NCAM2: variants seen among roughly 807,000 people sequenced by gnomAD.
The protein encoded by NCAM2 is N-CAM-2.
In NCAM2, 30 loss-of-function variants were observed where a neutral mutation model predicts 98.1. The observed-to-expected ratio is 0.31, with a 90% confidence interval of 0.23 to 0.41. The LOEUF is 0.41. NCAM2 is among the 10% of genes least tolerant of loss of function. The pLI, the probability that NCAM2 is intolerant of heterozygous loss-of-function variation, is 1.00. For missense variants in NCAM2, 867 were observed against 1,005.8 expected, an observed-to-expected ratio of 0.86 and a Z score of 1.87; for synonymous variants, 368 against 342.4, an observed-to-expected ratio of 1.07 and a Z score of -0.83.
intron 1 of NCAM2, among the ~76,000 whole-genome samples, chr21:21,110,149 A>C (rs1196126090): frequency 1.3e-5 from 2 of 152,196 alleles, no homozygotes; most frequent in African/African-American, 2.4e-5. Context: ...TTACATACAG[A>C]GGGCTTCAGC....
chr21:21,012,923 C>T (rs1372730927), intron 1 of NCAM2, among the ~76,000 whole-genome samples: 1 of 152,130 alleles, frequency 6.6e-6, no homozygotes, highest in East Asian at 1.9e-4. Flanking sequence ...TCAAAGCATA[C>T]CCACATAATG....
intron 1 of NCAM2, among the ~76,000 whole-genome samples, chr21:21,065,573 G>A (rs534764677): frequency 1.3e-5 from 2 of 152,208 alleles, no homozygotes; most frequent in East Asian, 3.9e-4. Context: ...AATCATGTAA[G>A]TATCTCGTCA....
intron 12 of NCAM2, among the ~76,000 whole-genome samples, chr21:21,461,324 A>T (rs1025682862): frequency 6.6e-6 from 1 of 151,982 alleles, no homozygotes; most frequent in Non-Finnish European, 1.5e-5. Context: ...TTCTATTTAA[A>T]TAGGAAGCCA....
intron 1 of NCAM2, among the ~76,000 whole-genome samples, chr21:21,082,290 A>AT (rs1555882253): frequency 1.3e-5 from 2 of 149,310 alleles, no homozygotes; most frequent in African/African-American, 5.0e-5. Context: ...ACAAAAAAAA[A>AT]AAAACAAAAC....
At chr21:21,144,282 G>C (rs1273596979) in intron 1 of NCAM2, among the ~76,000 whole-genome samples, 1 of 151,680 alleles carries the variant, frequency 6.6e-6, no homozygotes, top group East Asian at 1.9e-4. Flanking sequence ...CCAGGAGGTG[G>C]AGATTGCAGT....
intron 2 of NCAM2, 27 bp downstream of exon 2, chr21:21,280,679 A>T: frequency 7.1e-7 from 1 of 1,400,438 alleles, no homozygotes; most frequent in Non-Finnish European, 9.7e-7. Context: ...ATACCTTCAG[A>T]TAACGTGGTT....
intron 16 of NCAM2, among the ~76,000 whole-genome samples, chr21:21,528,791 A>G (rs188313793): frequency 5.3e-5 from 8 of 152,294 alleles, no homozygotes; most frequent in Admixed American, 3.9e-4. Context: ...AAGACTGGCT[A>G]TTATACTGAA....
chr21:21,511,121 ACATTC>A, intron 16 of NCAM2, among the ~76,000 whole-genome samples: 1 of 152,190 alleles, frequency 6.6e-6, no homozygotes, highest in South Asian at 2.1e-4. Context: ...TGCTAGGAAC[ACATTC>A]CAATTCTCCT....
At chr21:21,280,493 G>T in intron 1 of NCAM2, 85 bp from the exon 2 acceptor site, 1 of 892,278 alleles carries the variant, frequency 1.1e-6, no homozygotes, top group Non-Finnish European at 1.7e-6. Flanking sequence ...TCAGCGTTTG[G>T]ACCATGTGGT....
Position 21,273,283 on chromosome 21 carries a change from TATC to T in NCAM2, c.56-7292_56-7290del, listed in dbSNP as rs534223952. Among the ~76,000 whole-genome samples, 572 of 152,234 alleles carry T rather than the reference TATC, an allele frequency of 3.8e-3. 2 individuals are homozygous for T. Among genetic ancestry groups the T allele is most frequent in the African/African-American group, 0.013 (547 of 41,552 alleles). ...AGTTATTGTGGGTATGCATAGTAAA[TATC>T]ATATATGTTTGTAGTACAGGAAGAT... On this transcript the variant is annotated intron_variant, in intron 1 of 17. Coordinates refer to ENST00000400546, the MANE Select transcript of NCAM2 (RefSeq NM_004540.5).
chr21:21,239,008 A>C (rs961251749), intron 1 of NCAM2, among the ~76,000 whole-genome samples: 1 of 152,170 alleles, frequency 6.6e-6, no homozygotes, highest in Non-Finnish European at 1.5e-5. Context: ...TTTCCTTCAG[A>C]TAAGAATATT....
At position 21,284,384 on chromosome 21, in the gene NCAM2, A is replaced by C. The variant is rs1405083899; in HGVS notation, c.321A>C (p.Val107=). ...DAKGQTQEAT[V]VLEIYQKLTF... ...AAGGACAAACACAAGAAGCTACAGT[A>C]GTTTTGGAAATTTACCGTAAGTAAT... The change falls in exon 3 of 18, where the codon GTA becomes GTC. Residue 107 remains valine, a synonymous_variant. Transcript: ENST00000400546. The C allele has an allele frequency of 6.8e-6, 11 of 1,611,174 alleles. No individual in the cohort carries two copies. The highest frequency in any genetic ancestry group is 8.5e-6 in the Non-Finnish European group (10 of 1,177,824).
chr21:21,099,731 A>G (rs1343888565), intron 1 of NCAM2, among the ~76,000 whole-genome samples: 1 of 151,854 alleles, frequency 6.6e-6, no homozygotes, highest in Non-Finnish European at 1.5e-5. Context: ...AGCTTTAGCT[A>G]GTTTCCAAGT....
intron 1 of NCAM2, among the ~76,000 whole-genome samples, chr21:21,250,868 CT>C (rs1338879466): frequency 1.3e-5 from 2 of 152,148 alleles, no homozygotes. Context: ...TTCTGGTCCA[CT>C]TGTATTTTAT....
chr21:21,523,384 G>T (rs1989140679), intron 16 of NCAM2, among the ~76,000 whole-genome samples: 1 of 151,108 alleles, frequency 6.6e-6, no homozygotes, highest in Admixed American at 6.6e-5. Context: ...AGAGATAGGG[G>T]TCTGGTTTTA....
intron 1 of NCAM2, among the ~76,000 whole-genome samples, chr21:21,049,108 T>A (rs2065056388): frequency 7.1e-6 from 1 of 140,542 alleles, no homozygotes; most frequent in African/African-American, 2.7e-5. Flanking sequence ...AAGCTCCGCT[T>A]CCCGGGTTCA....
intron 1 of NCAM2, among the ~76,000 whole-genome samples, chr21:21,027,858 G>GTTTTTT (rs527303137): frequency 7.0e-6 from 1 of 142,522 alleles, no homozygotes; most frequent in Non-Finnish European, 1.5e-5. Flanking sequence ...TGTTTCTTAA[G>GTTTTTT]TTTTTTTTTT....
chr21:21,356,495 GTTTC>G (rs1344278474), intron 8 of NCAM2, among the ~76,000 whole-genome samples: 3 of 151,854 alleles, frequency 2.0e-5, no homozygotes, highest in African/African-American at 4.8e-5. Context: ...TATATTTTTT[GTTTC>G]TTTTTTTATT....
intron 9 of NCAM2, among the ~76,000 whole-genome samples, chr21:21,397,684 C>T (rs1406489662): frequency 1.3e-5 from 2 of 152,222 alleles, no homozygotes. Flanking sequence ...GACTGTGCGG[C>T]TGCACATGCA....
Sources: allele counts gnomAD v4.1 joint callset (sites outside exome capture counted in the v4.1 genomes callset), GRCh38; gene constraint gnomAD v4.1.1; transcripts MANE v1.5; gene names NCBI Gene and HGNC (gene_info 2026-07-23, HGNC 2026-07-21).